Variants in SEMA6D observed in about 807,000 individuals in gnomAD.
SEMA6D encodes semaphorin 6D.
Under a neutral mutation model 106.6 loss-of-function variants are expected in SEMA6D, and 35 were observed. The observed-to-expected ratio is 0.33, with a 90% confidence interval of 0.25 to 0.44. The LOEUF is 0.44. Among genes scored for constraint, SEMA6D ranks in the 20% least tolerant of loss-of-function variants. The pLI, the probability that SEMA6D is intolerant of heterozygous loss-of-function variation, is 1.00. For synonymous variants in SEMA6D, 499 were observed against 487.7 expected (o/e 1.02, Z -0.31); for missense variants, 1,185 against 1,345.9 (o/e 0.88, Z 1.87).
Position 47,457,822 on chromosome 15 carries a change from G to A in SEMA6D, c.-158-12652G>A, listed in dbSNP as rs1176831301. ...TCAATAAATGCCAAGCACAAGCACA[G>A]GAAGAAAATTACACCAAAATGTATT... On this transcript the variant is annotated intron_variant, in intron 2 of 19. Coordinates refer to the SEMA6D transcript ENST00000558014. 2.0e-5 allele frequency among the ~76,000 whole-genome samples: 3 copies of A among 151,664 alleles called. No individual in the cohort carries two copies. The East Asian group carries it at 5.8e-4, about 29-fold the overall frequency.
chr15:47,510,311 G>A (rs1566843545), intron 3 of SEMA6D, among the ~76,000 whole-genome samples: 1 of 152,090 alleles, frequency 6.6e-6, no homozygotes. Flanking sequence ...GATCTGAGGT[G>A]GAATAGTTTC....
At chr15:47,728,200 C>G (rs2079886315) in intron 1 of SEMA6D, among the ~76,000 whole-genome samples, 1 of 152,214 alleles carries the variant, frequency 6.6e-6, no homozygotes, top group South Asian at 2.1e-4. Context: ...AAGCACTCCC[C>G]ACTTGGAGAC....
At chr15:47,730,676 C>T (rs937780677) in intron 1 of SEMA6D, 75 of 1,608,592 alleles carry the variant, frequency 4.7e-5, no homozygotes, top group Non-Finnish European at 6.3e-5. Context: ...GTTTGGCGGT[C>T]CAGGGCCTGG....
intron 1 of SEMA6D, among the ~76,000 whole-genome samples, chr15:47,191,362 A>G (rs1010560837): frequency 2.6e-5 from 4 of 152,266 alleles, no homozygotes; most frequent in African/African-American, 9.6e-5. Context: ...ATTGGATACA[A>G]GCAACACATG....
intron 1 of SEMA6D, among the ~76,000 whole-genome samples, chr15:47,250,031 C>G: frequency 6.6e-6 from 1 of 152,154 alleles, no homozygotes; most frequent in East Asian, 1.9e-4. Flanking sequence ...GATTTATATT[C>G]ATTACAAGTG....
chr15:47,628,474 G>A (rs2077240139), intron 4 of SEMA6D, among the ~76,000 whole-genome samples: 1 of 152,000 alleles, frequency 6.6e-6, no homozygotes, highest in Admixed American at 6.6e-5. Context: ...TGAAATGATA[G>A]CTCAGCGTAA....
intron 3 of SEMA6D, among the ~76,000 whole-genome samples, chr15:47,529,554 C>T (rs1167617013): frequency 7.1e-6 from 1 of 140,844 alleles, no homozygotes; most frequent in Non-Finnish European, 1.5e-5. Flanking sequence ...GAAAGAGATT[C>T]AAATTCTTCT....
At chr15:47,232,627 G>A (rs138700207) in intron 1 of SEMA6D, among the ~76,000 whole-genome samples, 2 of 151,784 alleles carry the variant, frequency 1.3e-5, no homozygotes, top group African/African-American at 4.8e-5. Flanking sequence ...TTTCTCTAAT[G>A]AATAGTAATG....
chr15:47,623,032 C>A (rs1596469545), intron 4 of SEMA6D, among the ~76,000 whole-genome samples: 2 of 152,274 alleles, frequency 1.3e-5, no homozygotes, highest in South Asian at 2.1e-4. Flanking sequence ...TAGTGACAAC[C>A]CTCTTTCTTT....
intron 1 of SEMA6D, among the ~76,000 whole-genome samples, chr15:47,235,589 T>G (rs550695205): frequency 2.0e-5 from 3 of 152,232 alleles, no homozygotes; most frequent in Admixed American, 6.5e-5. Flanking sequence ...CTTTCTTCGA[T>G]TTATGTTTTC....
intron 4 of SEMA6D, among the ~76,000 whole-genome samples, chr15:47,620,252 A>AT (rs141430438): frequency 0.032 from 4,846 of 152,188 alleles, 264 homozygotes; most frequent in African/African-American, 0.11. Context: ...ATGTTTTTGA[A>AT]TTTTTTAAAT....
intron 4 of SEMA6D, among the ~76,000 whole-genome samples, chr15:47,657,420 C>T (rs1271018387): frequency 1.3e-5 from 2 of 151,912 alleles, no homozygotes; most frequent in Non-Finnish European, 2.9e-5. Context: ...TAGCTTTTTC[C>T]TATGTTTTTA....
intron 3 of SEMA6D, among the ~76,000 whole-genome samples, chr15:47,530,649 T>G (rs1406940884): frequency 6.6e-6 from 1 of 152,210 alleles, no homozygotes; most frequent in African/African-American, 2.4e-5. Flanking sequence ...GTCAGAAGTC[T>G]GAAGAGATGA....
At chr15:47,742,141 G>A (rs1033810503) in intron 1 of SEMA6D, among the ~76,000 whole-genome samples, 7 of 152,234 alleles carry the variant, frequency 4.6e-5, no homozygotes, top group African/African-American at 1.7e-4. Flanking sequence ...TGTGAATACT[G>A]ATTTGAGCAA....
intron 2 of SEMA6D, among the ~76,000 whole-genome samples, chr15:47,430,765 A>G (rs2041497401): frequency 6.6e-6 from 1 of 152,046 alleles, no homozygotes; most frequent in South Asian, 2.1e-4. Flanking sequence ...TGGAGAAACT[A>G]CCAAGACCAA....
intron 1 of SEMA6D, among the ~76,000 whole-genome samples, chr15:47,194,109 G>GGGT (rs1894169427): frequency 6.6e-6 from 1 of 151,712 alleles, no homozygotes; most frequent in African/African-American, 2.4e-5. Flanking sequence ...ATGGATGGAT[G>GGGT]GGTGGATGGG....
intron 1 of SEMA6D, among the ~76,000 whole-genome samples, chr15:47,204,180 T>C (rs1449098616): frequency 6.6e-6 from 1 of 152,190 alleles, no homozygotes; most frequent in African/African-American, 2.4e-5. Context: ...ATGACCATCC[T>C]AAGCTATTCA....
intron 4 of SEMA6D, among the ~76,000 whole-genome samples, chr15:47,668,338 A>C (rs930490518): frequency 1.3e-5 from 2 of 152,204 alleles, no homozygotes; most frequent in Non-Finnish European, 2.9e-5. Flanking sequence ...ACATTAAGAC[A>C]AAAAACAGTC....
At chr15:47,512,089 C>T (rs2044251775) in intron 3 of SEMA6D, among the ~76,000 whole-genome samples, 2 of 152,274 alleles carry the variant, frequency 1.3e-5, no homozygotes, top group South Asian at 2.1e-4. Flanking sequence ...CATCCGCACA[C>T]GTAAATGCTG....
Sources: allele counts gnomAD v4.1 joint callset (sites outside exome capture counted in the v4.1 genomes callset), GRCh38; gene constraint gnomAD v4.1.1; transcripts MANE v1.5; gene names NCBI Gene and HGNC (gene_info 2026-07-23, HGNC 2026-07-21).